TRIM37: variants seen among roughly 807,000 people sequenced by gnomAD.
The protein encoded by TRIM37 is tripartite motif containing 37, also known as E3 ubiquitin-protein ligase TRIM37.
Under a neutral mutation model 129.8 loss-of-function variants are expected in TRIM37, and 80 were observed. The observed-to-expected ratio is 0.62, with a 90% confidence interval of 0.51 to 0.74. TRIM37 has a LOEUF of 0.74. Ranked by LOEUF, TRIM37 falls within the 30% of genes least tolerant of loss-of-function variation. TRIM37 has a pLI of 0.00. For missense variants in TRIM37, 1,054 were observed against 1,176.5 expected, an observed-to-expected ratio of 0.90 and a Z score of 1.52; for synonymous variants, 389 against 387.1, an observed-to-expected ratio of 1.00 and a Z score of -0.06.
At chr17:59,100,829 C>T (rs576027368) in intron 2 of TRIM37, among the ~76,000 whole-genome samples, 7 of 152,034 alleles carry the variant, frequency 4.6e-5, no homozygotes, top group Non-Finnish European at 1.0e-4. Flanking sequence ...TTGAGACCAA[C>T]CTGACCAACA....
intron 7 of TRIM37, among the ~76,000 whole-genome samples, chr17:59,077,476 T>C (rs763514633): frequency 2.5e-4 from 38 of 152,132 alleles, no homozygotes; most frequent in Non-Finnish European, 1.6e-4. Flanking sequence ...TCCTAAAACA[T>C]TAGCCTATGG....
intron 22 of TRIM37, among the ~76,000 whole-genome samples, chr17:59,009,304 T>C (rs1351059184): frequency 6.6e-6 from 1 of 151,538 alleles, no homozygotes; most frequent in Non-Finnish European, 1.5e-5. Flanking sequence ...ATTTTTCTAT[T>C]TTTAGTAGAG....
chr17:59,019,300 A>G (rs1363829168), intron 19 of TRIM37, among the ~76,000 whole-genome samples: 2 of 152,258 alleles, frequency 1.3e-5, no homozygotes, highest in Non-Finnish European at 2.9e-5. Flanking sequence ...CAGCCATACA[A>G]TAAAATATCA....
intron 15 of TRIM37, among the ~76,000 whole-genome samples, chr17:59,048,930 G>A (rs555711122): frequency 1.3e-5 from 2 of 152,298 alleles, no homozygotes; most frequent in South Asian, 2.1e-4. Context: ...ATGTATGGTA[G>A]TTTAGGTTTT....
At chr17:58,973,951 CAAAAAAAA>C in the TRIM37 span, among the ~76,000 whole-genome samples, 34 of 55,494 alleles carry the variant, frequency 6.1e-4, no homozygotes, top group South Asian at 0.024. Context: ...GACTCCATCT[CAAAAAAAA>C]AAAAAAAAAA....
chr17:59,049,390 G>A lies in TRIM37; in HGVS notation c.1318C>T (p.Leu440Phe). ...TGAGTTCGAGACAGCTCAATAGTAA[G>A]TCTCTTTTAAAACAAGAAAAGCACA... is the stretch of plus-strand genomic sequence containing the variant. Reference protein sequence around the residue: ...IQQINNLKERLTIELSRTQKS... With the variant: ...IQQINNLKERFTIELSRTQKS... The change falls in exon 15 of 24, where the codon CTT becomes TTT. Residue 440 changes from leucine to phenylalanine, a missense_variant. Coordinates refer to ENST00000262294, the MANE Select transcript of TRIM37 (RefSeq NM_015294.6). The A allele has an allele frequency of 6.2e-7, 1 of 1,613,668 alleles. No homozygotes were observed. Among genetic ancestry groups the A allele is most frequent in the Non-Finnish European group, 8.5e-7 (1 of 1,179,834 alleles).
intron 8 of TRIM37, 21 bp downstream of exon 8, chr17:59,075,626 T>C: frequency 6.6e-7 from 1 of 1,521,564 alleles, no homozygotes; most frequent in Non-Finnish European, 9.1e-7. Context: ...GACTATTTCA[T>C]TACATTTAAT....
intron 5 of TRIM37, among the ~76,000 whole-genome samples, chr17:59,082,071 A>T (rs1436613575): frequency 1.3e-5 from 2 of 151,022 alleles, no homozygotes; most frequent in African/African-American, 4.9e-5. Context: ...GGAGTTCGAG[A>T]CCAGCCTGGC....
chr17:59,039,215 AG>A (rs1358197276), intron 17 of TRIM37, among the ~76,000 whole-genome samples: 1 of 152,144 alleles, frequency 6.6e-6, no homozygotes, highest in African/African-American at 2.4e-5. Flanking sequence ...CTCCTCCTAT[AG>A]CCTGCTGAAT....
intron 13 of TRIM37, among the ~76,000 whole-genome samples, chr17:59,054,180 C>T (rs1342210322): frequency 6.6e-6 from 1 of 152,168 alleles, no homozygotes; most frequent in Non-Finnish European, 1.5e-5. Flanking sequence ...ACTTTTTAAA[C>T]TGTTAAATAC....
chr17:59,105,091 CA>C (rs35249068), intron 1 of TRIM37, among the ~76,000 whole-genome samples: 72 of 122,624 alleles, frequency 5.9e-4, no homozygotes, highest in Admixed American at 9.8e-4. Flanking sequence ...GATTCTGTCT[CA>C]AAAAAAAAAA....
chr17:59,016,944 G>C (rs1479100374), intron 20 of TRIM37, among the ~76,000 whole-genome samples: 1 of 152,114 alleles, frequency 6.6e-6, no homozygotes, highest in Non-Finnish European at 1.5e-5. Flanking sequence ...GGGAGGTTGA[G>C]GCAGGCGGAT....
At chr17:59,024,217 A>G (rs1397059032) in intron 19 of TRIM37, among the ~76,000 whole-genome samples, 1 of 72,754 alleles carries the variant, frequency 1.4e-5, no homozygotes, top group Non-Finnish European at 3.3e-5. Context: ...TCCGTATCAA[A>G]AAAAAAAAAA....
chr17:58,992,287 T>TTA (rs1400693751), intron 24 of TRIM37, among the ~76,000 whole-genome samples: 1 of 135,210 alleles, frequency 7.4e-6, no homozygotes, highest in Non-Finnish European at 1.6e-5. Flanking sequence ...ATATTTATAT[T>TTA]TATATATATT....
chr17:59,033,630 G>A (rs1364295653), intron 17 of TRIM37, among the ~76,000 whole-genome samples: 2 of 151,902 alleles, frequency 1.3e-5, no homozygotes, highest in African/African-American at 4.8e-5. Flanking sequence ...GTGTTAGGAT[G>A]GTCTGGATCT....
At chr17:59,051,683 A>G (rs2040359068) in intron 13 of TRIM37, among the ~76,000 whole-genome samples, 1 of 152,156 alleles carries the variant, frequency 6.6e-6, no homozygotes, top group South Asian at 2.1e-4. Flanking sequence ...ATAAGGAGGA[A>G]GATAACTCTT....
At chr17:58,978,048 A>T (rs1416401588), downstream of TRIM37, among the ~76,000 whole-genome samples, 1 of 152,184 alleles carries the variant, frequency 6.6e-6, no homozygotes. Flanking sequence ...TTCTTGTGTC[A>T]AAGAGAACCT....
intron 19 of TRIM37, among the ~76,000 whole-genome samples, chr17:59,022,146 T>C (rs1365413951): frequency 1.3e-5 from 2 of 152,060 alleles, no homozygotes; most frequent in African/African-American, 2.4e-5. Flanking sequence ...GAATTAGAAC[T>C]AAAGTGGGTT....
chr17:59,099,710 T>G (rs1171815428), intron 2 of TRIM37, among the ~76,000 whole-genome samples: 1 of 152,216 alleles, frequency 6.6e-6, no homozygotes, highest in Admixed American at 6.5e-5. Context: ...ATGGCTAAAA[T>G]TCACAAAACC....
Sources: gnomAD v4.1 joint callset for allele counts (sites outside exome capture counted in the v4.1 genomes callset) on GRCh38, gnomAD v4.1.1 for gene constraint, MANE v1.5 for transcripts, NCBI Gene and HGNC (gene_info 2026-07-23, HGNC 2026-07-21) for gene names.